Variants in SORCS1 observed in about 807,000 individuals in gnomAD.
SORCS1 encodes the protein VPS10 domain-containing receptor SorCS1.
SORCS1 carries 60 observed loss-of-function variants against 146.1 expected under a neutral mutation model. The ratio of observed to expected loss-of-function variants is 0.41; its 90% CI spans 0.33 to 0.51. The LOEUF (loss-of-function observed/expected upper bound fraction) is 0.51, where lower values mean the gene tolerates loss of function less well. Among genes scored for constraint, SORCS1 ranks in the 20% least tolerant of loss-of-function variants. SORCS1 has a pLI of 0.21. For synonymous variants in SORCS1, 637 were observed against 584.0 expected (o/e 1.09, Z -1.31); for missense variants, 1,352 against 1,487.6 (o/e 0.91, Z 1.50).
intron 1 of SORCS1, among the ~76,000 whole-genome samples, chr10:107,027,035 A>AATATATAAAATAT (rs1958437730): frequency 3.1e-5 from 2 of 63,862 alleles, no homozygotes; most frequent in African/African-American, 5.4e-5. Flanking sequence ...TATATATATA[A>AATATATAAAATAT]AAATATATAT....
chr10:106,789,736 G>A (rs1282236959), intron 3 of SORCS1, among the ~76,000 whole-genome samples: 1 of 152,184 alleles, frequency 6.6e-6, no homozygotes, highest in Non-Finnish European at 1.5e-5. Flanking sequence ...ACCTCTGCCT[G>A]TTATGCAGTT....
chr10:106,690,620 T>C (rs976776767), intron 9 of SORCS1, among the ~76,000 whole-genome samples: 1 of 152,228 alleles, frequency 6.6e-6, no homozygotes, highest in Non-Finnish European at 1.5e-5. Flanking sequence ...CCTTCAGGTT[T>C]ATCTTGAGGA....
Position 106,808,595 on chromosome 10 carries a change from C to T in SORCS1, c.726+20979G>A, listed in dbSNP as rs531238655. ...TCGGCTCACTGCAAGCTCCGCCTCCCGGGTTCACACCATTCTCCTGCCTCA... is the reference window on the plus strand; with the variant it reads ...TCGGCTCACTGCAAGCTCCGCCTCCTGGGTTCACACCATTCTCCTGCCTCA... On this transcript the variant is annotated intron_variant, in intron 3 of 25. Transcript: ENST00000263054. Among the ~76,000 whole-genome samples the T allele has an allele frequency of 8.6e-5, 13 of 151,954 alleles. No homozygotes were observed. In the South Asian group the frequency reaches 1.9e-3, roughly 22 times the overall value.
rs773719236 is a variant in SORCS1 at position 106,620,575 on chromosome 10, GA to G, written c.2663-15del. 6.2e-7 allele frequency: 1 copy of G among 1,612,584 alleles called. No individual in the cohort carries two copies. Among genetic ancestry groups the G allele is most frequent in the Admixed American group, 1.7e-5 (1 of 59,928 alleles). ...GCTCCAAGGGACCTGAGGCACAAGA[GA>G]AAGAGAGGCCATGGATGGGGAAGAG... On this transcript the variant is annotated splice_polypyrimidine_tract_variant and intron_variant, in intron 19 of 25. Coordinates refer to ENST00000263054, the MANE Select transcript of SORCS1 (RefSeq NM_052918.5).
intron 1 of SORCS1, among the ~76,000 whole-genome samples, chr10:107,119,977 C>A (rs1966293060): frequency 6.6e-6 from 1 of 152,050 alleles, no homozygotes; most frequent in South Asian, 2.1e-4. Flanking sequence ...GAAAAGCTTT[C>A]CATGGTTTCT....
intron 5 of SORCS1, among the ~76,000 whole-genome samples, chr10:106,750,448 G>T (rs1293677572): frequency 6.6e-6 from 1 of 151,964 alleles, no homozygotes; most frequent in East Asian, 1.9e-4. Flanking sequence ...AGTGGAGGAG[G>T]GGCCGGGCGC....
chr10:106,870,448 C>A (rs142561746), intron 2 of SORCS1, among the ~76,000 whole-genome samples: 1 of 152,162 alleles, frequency 6.6e-6, no homozygotes, highest in African/African-American at 2.4e-5. Flanking sequence ...TACCACAGGG[C>A]TACAGTAACC....
chr10:106,609,970 A>G (rs1202182384), intron 22 of SORCS1, among the ~76,000 whole-genome samples: 2 of 152,350 alleles, frequency 1.3e-5, no homozygotes, highest in South Asian at 2.1e-4. Flanking sequence ...GTTAAAGAGC[A>G]TAAGTCATCC....
intron 3 of SORCS1, among the ~76,000 whole-genome samples, chr10:106,819,742 C>T (rs1047329609): frequency 6.6e-5 from 10 of 152,154 alleles, no homozygotes; most frequent in Non-Finnish European, 2.9e-5. Flanking sequence ...CCATCAATAT[C>T]TTTTACCCCT....
At chr10:106,760,718 C>CAG (rs1202980435) in intron 5 of SORCS1, among the ~76,000 whole-genome samples, 1 of 151,104 alleles carries the variant, frequency 6.6e-6, no homozygotes, top group Non-Finnish European at 1.5e-5. Context: ...CTAACACACA[C>CAG]ACACACACAC....
intron 2 of SORCS1, among the ~76,000 whole-genome samples, chr10:106,859,635 T>C (rs1467268624): frequency 6.6e-6 from 1 of 152,148 alleles, no homozygotes; most frequent in Non-Finnish European, 1.5e-5. Flanking sequence ...TCAAGTGATC[T>C]GCCCACTTTG....
At position 107,000,311 on chromosome 10, in the gene SORCS1, T is replaced by C. The variant is rs543710252; in HGVS notation, c.559-43731A>G. Among the ~76,000 whole-genome samples, 3 of 151,946 alleles carry C rather than the reference T, an allele frequency of 2.0e-5. No individual in the cohort carries two copies. The South Asian group carries it at 6.2e-4, about 32-fold the overall frequency. On this transcript the variant is annotated intron_variant, in intron 1 of 25. Coordinates refer to ENST00000263054, the MANE Select transcript of SORCS1 (RefSeq NM_052918.5). The stretch of plus-strand genomic sequence containing the variant: ...TGTTGGGAAGATTTTTAGGTATGAG[T>C]CCATTTGGCTGGGCACAATGGCTCA...
intron 6 of SORCS1, among the ~76,000 whole-genome samples, chr10:106,709,999 A>AT (rs1854854887): frequency 6.6e-6 from 1 of 152,252 alleles, no homozygotes; most frequent in Non-Finnish European, 1.5e-5. Flanking sequence ...TTCATGGTCA[A>AT]TTTTTTCTCA....
intron 1 of SORCS1, among the ~76,000 whole-genome samples, chr10:107,094,038 C>T (rs540454783): frequency 2.6e-4 from 39 of 152,240 alleles, no homozygotes; most frequent in African/African-American, 9.1e-4. Flanking sequence ...CTTCGAAAAC[C>T]CCACTTCTCC....
At chr10:106,828,013 G>GA (rs1408133142) in intron 3 of SORCS1, among the ~76,000 whole-genome samples, 1 of 152,132 alleles carries the variant, frequency 6.6e-6, no homozygotes, top group Non-Finnish European at 1.5e-5. Flanking sequence ...AGAATGAAGA[G>GA]AAAACATTAA....
intron 3 of SORCS1, among the ~76,000 whole-genome samples, chr10:106,798,167 G>A (rs1589902806): frequency 6.6e-6 from 1 of 152,202 alleles, no homozygotes; most frequent in South Asian, 2.1e-4. Flanking sequence ...CCCTTCATAA[G>A]CTCTGTTCTC....
At position 107,101,983 on chromosome 10, in the gene SORCS1, C is replaced by T. The variant is rs1204414555; in HGVS notation, c.558+61986G>A. 5.3e-5 allele frequency among the ~76,000 whole-genome samples: 8 copies of T among 152,176 alleles called. 2 individuals carry two copies. Among genetic ancestry groups the T allele is most frequent in the Admixed American group, 5.2e-4 (8 of 15,266 alleles). ...TGATCTATAATGACTTTGCCTATTACCTTTGTTTATTTCTATAGAACATTT... is the reference window on the plus strand; with the variant it reads ...TGATCTATAATGACTTTGCCTATTATCTTTGTTTATTTCTATAGAACATTT... On this transcript the variant is annotated intron_variant, in intron 1 of 25. Transcript: ENST00000263054.
intron 10 of SORCS1, among the ~76,000 whole-genome samples, chr10:106,684,783 C>T (rs140986332): frequency 1.4e-3 from 209 of 152,282 alleles, no homozygotes; most frequent in African/African-American, 4.6e-3. Context: ...TACTCACAAT[C>T]GAAATCACTT....
chr10:107,095,448 AAAG>A (rs1357414770), intron 1 of SORCS1, among the ~76,000 whole-genome samples: 1 of 151,600 alleles, frequency 6.6e-6, no homozygotes, highest in Non-Finnish European at 1.5e-5. Flanking sequence ...GAACCCAAGC[AAAG>A]AAGAAAGAGC....
Sources: gnomAD v4.1 joint callset for allele counts (sites outside exome capture counted in the v4.1 genomes callset) on GRCh38, gnomAD v4.1.1 for gene constraint, MANE v1.5 for transcripts, NCBI Gene and HGNC (gene_info 2026-07-23, HGNC 2026-07-21) for gene names.